THSD7B: variants seen among roughly 807,000 people sequenced by gnomAD.
THSD7B encodes thrombospondin type-1 domain-containing protein 7B.
A neutral mutation model predicts 213.6 loss-of-function variants in THSD7B; 138 were observed. The observed-to-expected ratio is 0.65, with a 90% CI of 0.56 to 0.74. THSD7B has a LOEUF of 0.74. THSD7B is among the 30% of genes least tolerant of loss of function. THSD7B has a pLI of 0.00. For missense variants in THSD7B, 1,931 were observed against 1,991.5 expected, an observed-to-expected ratio of 0.97 and a Z score of 0.58; for synonymous variants, 742 against 687.0, an observed-to-expected ratio of 1.08 and a Z score of -1.25.
chr2:137,282,888 G>A (rs907722329), intron 12 of THSD7B, among the ~76,000 whole-genome samples: 1 of 152,248 alleles, frequency 6.6e-6, no homozygotes, highest in African/African-American at 2.4e-5. Context: ...GGCAATGTGG[G>A]CTCTTTTTTG....
intron 5 of THSD7B, among the ~76,000 whole-genome samples, chr2:137,140,388 G>A (rs907364170): frequency 1.3e-5 from 2 of 152,048 alleles, no homozygotes; most frequent in African/African-American, 4.8e-5. Context: ...AAATAATGTT[G>A]AGGGGAACGT....
intron 2 of THSD7B, among the ~76,000 whole-genome samples, chr2:136,991,890 A>C (rs180886452): frequency 8.1e-4 from 124 of 152,286 alleles, no homozygotes; most frequent in Non-Finnish European, 1.5e-3. Context: ...AACTGCAACT[A>C]TTTGGTTTTC....
At chr2:137,553,595 G>A (rs1680893344) in intron 15 of THSD7B, among the ~76,000 whole-genome samples, 1 of 152,158 alleles carries the variant, frequency 6.6e-6, no homozygotes, top group Non-Finnish European at 1.5e-5. Context: ...CTCATTACTA[G>A]GAGAATGAAA....
intron 3 of THSD7B, among the ~76,000 whole-genome samples, chr2:137,067,857 A>T (rs1398426695): frequency 1.3e-5 from 2 of 151,842 alleles, no homozygotes; most frequent in Admixed American, 6.6e-5. Flanking sequence ...CATGAAGAAA[A>T]TTTTTTCTTA....
rs375549661 is a variant in THSD7B at position 137,232,939 on chromosome 2, T to C, written c.1956T>C (p.His652=). The C allele has an allele frequency of 3.0e-5, 49 of 1,613,798 alleles. No individual in the cohort carries two copies. The African/African-American group carries it at 6.1e-4, about 20-fold the overall frequency. The change falls in exon 9 of 28, where the codon CAT becomes CAC. Residue 652 remains histidine (H), a synonymous_variant. Coordinates refer to ENST00000409968, the MANE Select transcript of THSD7B (RefSeq NM_001316349.2). ...CCCCTAGTCAGGCTCTCCAAGAGCA[T>C]CGTTTGTGTAATGACCATTCCTGTA... ...PCPPSQALQE[H]RLCNDHSCMQ... is the part of the protein sequence containing the mutation.
rs1241836802 is a variant in THSD7B at position 137,170,225 on chromosome 2, A to T, written c.1526-516A>T. 2.6e-5 allele frequency among the ~76,000 whole-genome samples: 4 copies of T among 152,128 alleles called. No homozygotes were observed. The South Asian group carries it at 6.2e-4, about 24-fold the overall frequency. On this transcript the variant is annotated intron_variant, in intron 6 of 27. Coordinates refer to ENST00000409968, the MANE Select transcript of THSD7B (RefSeq NM_001316349.2). Reference sequence around the variant, plus strand: ...TGGGTGGAAAGTGAACTCCAAAGAGATATTGTCTTTATGAGGCAGACTGAT... The same window carrying T: ...TGGGTGGAAAGTGAACTCCAAAGAGTTATTGTCTTTATGAGGCAGACTGAT...
intron 4 of THSD7B, among the ~76,000 whole-genome samples, chr2:137,112,618 C>G (rs1220356491): frequency 6.6e-6 from 1 of 152,114 alleles, no homozygotes; most frequent in East Asian, 1.9e-4. Context: ...TCCTTTCAAA[C>G]AAGCAAAAAA....
At chr2:137,387,854 T>C (rs1685930687) in intron 12 of THSD7B, among the ~76,000 whole-genome samples, 1 of 152,182 alleles carries the variant, frequency 6.6e-6, no homozygotes, top group Non-Finnish European at 1.5e-5. Flanking sequence ...ATGCCAGGTT[T>C]CCCATTGGTT....
At chr2:137,142,454 G>A (rs1487525671) in intron 5 of THSD7B, among the ~76,000 whole-genome samples, 1 of 152,058 alleles carries the variant, frequency 6.6e-6, no homozygotes, top group Non-Finnish European at 1.5e-5. Flanking sequence ...CGTTTTTGTT[G>A]TTGTTGTTGT....
At chr2:137,217,340 G>C (rs1360433646) in intron 7 of THSD7B, among the ~76,000 whole-genome samples, 1 of 152,182 alleles carries the variant, frequency 6.6e-6, no homozygotes, top group Non-Finnish European at 1.5e-5. Flanking sequence ...CATTAATAGA[G>C]ATTGGTAGAC....
intron 7 of THSD7B, among the ~76,000 whole-genome samples, chr2:137,205,676 A>G (rs1680970618): frequency 1.3e-5 from 2 of 152,022 alleles, no homozygotes; most frequent in Admixed American, 1.3e-4. Context: ...ATTTCTTTCT[A>G]CAAAAATCGA....
At chr2:136,771,968 C>T (rs1681514577) in intron 1 of THSD7B, among the ~76,000 whole-genome samples, 1 of 152,122 alleles carries the variant, frequency 6.6e-6, no homozygotes, top group Non-Finnish European at 1.5e-5. Context: ...GCATACCTAG[C>T]TAGGTACATT....
At chr2:137,600,299 A>G (rs954090522) in intron 17 of THSD7B, among the ~76,000 whole-genome samples, 4 of 152,212 alleles carry the variant, frequency 2.6e-5, no homozygotes, top group Admixed American at 2.6e-4. Flanking sequence ...GCGCCACATA[A>G]CATTTCAATA....
At chr2:137,598,844 CT>C (rs1290993375) in intron 17 of THSD7B, among the ~76,000 whole-genome samples, 6 of 150,562 alleles carry the variant, frequency 4.0e-5, no homozygotes, top group Non-Finnish European at 7.4e-5. Context: ...TCTTTCCTCC[CT>C]TCTTTTTTTT....
rs117426143 is a variant in THSD7B at position 137,148,029 on chromosome 2, A to T, written c.1370-12184A>T. ...TATGGTTTAGCTGTGTCCCCACCCA[A>T]ATTTTATCTTGAATTGTAGTTCCCA... is the stretch of plus-strand genomic sequence containing the variant. On this transcript the variant is annotated intron_variant, in intron 5 of 27. Transcript: ENST00000409968. Among the ~76,000 whole-genome samples the T allele has an allele frequency of 3.0e-3, 458 of 152,092 alleles. 5 individuals are homozygous for T. The East Asian group carries it at 0.047, about 15-fold the overall frequency.
intron 17 of THSD7B, among the ~76,000 whole-genome samples, chr2:137,610,133 T>A (rs1174588071): frequency 6.6e-6 from 1 of 152,156 alleles, no homozygotes. Context: ...GTTTTAAAAC[T>A]GGAACATGCA....
chr2:136,954,568 T>C (rs1039553943), intron 2 of THSD7B, among the ~76,000 whole-genome samples: 10 of 151,814 alleles, frequency 6.6e-5, no homozygotes, highest in African/African-American at 2.4e-4. Flanking sequence ...TACAAAAAAT[T>C]AGCTGGGCGA....
At chr2:136,980,005 T>A (rs572664010) in intron 2 of THSD7B, among the ~76,000 whole-genome samples, 18 of 152,254 alleles carry the variant, frequency 1.2e-4, no homozygotes, top group African/African-American at 4.3e-4. Context: ...ATTTTTTTTT[T>A]AAACAGACTC....
chr2:137,550,592 G>A (rs1680827237), intron 15 of THSD7B, among the ~76,000 whole-genome samples: 1 of 152,112 alleles, frequency 6.6e-6, no homozygotes, highest in South Asian at 2.1e-4. Flanking sequence ...TGTTAAATAT[G>A]TTGTGTAGTG....
Sources: allele counts gnomAD v4.1 joint callset (sites outside exome capture counted in the v4.1 genomes callset), GRCh38; gene constraint gnomAD v4.1.1; transcripts MANE v1.5; gene names NCBI Gene and HGNC (gene_info 2026-07-23, HGNC 2026-07-21).